The following IMPDH1 variants were observed in gnomAD, a reference collection of about 807,000 sequenced individuals.
IMPDH1 encodes inosine monophosphate dehydrogenase 1, also known as inosine-5'-monophosphate dehydrogenase 1.
IMPDH1 carries 41 observed loss-of-function variants against 73.5 expected under a neutral mutation model. The observed-to-expected ratio is 0.56, with a 90% confidence interval of 0.43 to 0.72. IMPDH1 has a LOEUF of 0.72. Among genes scored for constraint, IMPDH1 ranks in the 30% least tolerant of loss-of-function variants. The probability of loss-of-function intolerance (pLI) is 0.00; values close to 1 mark genes in which losing one functional copy is unlikely to be tolerated. For synonymous variants in IMPDH1, 318 were observed against 334.3 expected, an observed-to-expected ratio of 0.95 and a Z score of 0.53; for missense variants, 645 against 824.8, an observed-to-expected ratio of 0.78 and a Z score of 2.67.
rs1797785735 is a variant in IMPDH1 at position 128,394,675 on chromosome 7, C to T, written c.1551-76G>A. The T allele has an allele frequency of 7.0e-6, 11 of 1,572,922 alleles. No homozygotes were observed. Among genetic ancestry groups the T allele is most frequent in the South Asian group, 1.1e-5 (1 of 89,950 alleles). On this transcript the variant is annotated intron_variant, in intron 14 of 16. Transcript: ENST00000338791. This position sits in a 1 kb window ranked among gnomAD's most constrained non-coding sequence, Gnocchi z 5.5. Reference sequence around the variant, plus strand: ...CCACCCCACCTCTTAAGGGCAAAAACGGGATACCGCCCAGGAAGGTCCCCC... The same window carrying T: ...CCACCCCACCTCTTAAGGGCAAAAATGGGATACCGCCCAGGAAGGTCCCCC...
rs1157959892 is a variant in IMPDH1 at position 128,409,780 on chromosome 7, A to G, written c.122T>C (p.Leu41Pro). 1 of 1,520,980 alleles carries G rather than the reference A, an allele frequency of 6.6e-7. No individual in the cohort carries two copies. The allele number at this position is 1,520,980 out of a possible 1,614,324, so 94.2% of individuals were successfully genotyped here. The change falls in exon 1 of 17, where the codon CTG becomes CCG. Residue 41 changes from leucine to proline, a missense_variant. This residue lies in a region of IMPDH1 where 186 missense variants were observed against 186.6 expected (regional missense o/e 1.00). Coordinates refer to ENST00000338791, the MANE Select transcript of IMPDH1 (RefSeq NM_000883.4). ...TAAQRYSARL[L>P]QAGYEPESPR... Reference sequence around the variant, plus strand: ...CCTCTCGGGCTCGTAGCCGGCCTGCAGCAGTCGGGCGCTGTACCGCTGCGC... The same window carrying G: ...CCTCTCGGGCTCGTAGCCGGCCTGCGGCAGTCGGGCGCTGTACCGCTGCGC...
chr7:128,397,149 TTG>T (rs1797978432), intron 10 of IMPDH1, 127 bp from the exon 11 acceptor site: 98 of 620,246 alleles, frequency 1.6e-4, no homozygotes, highest in South Asian at 4.4e-4. Flanking sequence ...TTCCTTCTGG[TTG>T]TTTTTTTTTT....
At chr7:128,393,482 A>C (rs1036914693) in intron 16 of IMPDH1, among the ~76,000 whole-genome samples, 18 of 152,134 alleles carry the variant, frequency 1.2e-4, no homozygotes, top group Non-Finnish European at 2.2e-4. Context: ...GGTCACGGGC[A>C]TCTCTCTGCA....
intron 3 of IMPDH1, among the ~76,000 whole-genome samples, chr7:128,406,702 G>A (rs181910826): frequency 5.1e-4 from 78 of 152,326 alleles, no homozygotes; most frequent in African/African-American, 1.8e-3. Flanking sequence ...AAGGAAGGGA[G>A]GGGTACTGCT....
chr7:128,409,773 G>A lies in IMPDH1; in HGVS notation c.129C>T (p.Ala43=). 2 of 1,521,144 alleles carry A rather than the reference G, an allele frequency of 1.3e-6. No homozygotes were observed. Among genetic ancestry groups the A allele is most frequent in the South Asian group, 1.2e-5 (1 of 82,822 alleles). 94.2% of individuals were successfully genotyped at this position (1,521,144 alleles called of 1,614,324 possible). Residue 43 remains alanine, a synonymous_variant, in exon 1 of 17, where the codon GCC becomes GCT. Coordinates refer to ENST00000338791, the MANE Select transcript of IMPDH1 (RefSeq NM_000883.4). ...GGCGTCACCTCTCGGGCTCGTAGCC[G>A]GCCTGCAGCAGTCGGGCGCTGTACC... ...AQRYSARLLQ[A]GYEPESPRLD... is the part of the protein sequence containing the mutation.
At chr7:128,400,293 C>T in intron 8 of IMPDH1, 40 bp downstream of exon 8, 1 of 1,608,312 alleles carries the variant, frequency 6.2e-7, no homozygotes, top group Non-Finnish European at 8.5e-7. Flanking sequence ...CGTGAGGGTC[C>T]TCTCTACACC....
In IMPDH1 at chr7:128,409,532, C is replaced by A. The variant is rs1798997948; in HGVS notation, c.147-48G>T. 6 of 1,605,550 alleles carry A rather than the reference C, an allele frequency of 3.7e-6. No individual in the cohort carries two copies. In the East Asian group the frequency reaches 6.7e-5, roughly 18 times the overall value. On this transcript the variant is annotated intron_variant, in intron 1 of 16. Coordinates refer to ENST00000338791, the MANE Select transcript of IMPDH1 (RefSeq NM_000883.4). ...TACGACCTGTTCCCTCTCCTCCGCT[C>A]CCCCGTGCAACGAAGCACCTAACCC...
chr7:128,407,328 C>T (rs956372115), intron 3 of IMPDH1, among the ~76,000 whole-genome samples: 16 of 152,196 alleles, frequency 1.1e-4, no homozygotes, highest in African/African-American at 2.7e-4. Flanking sequence ...TTGATGCCCC[C>T]GGGACCCTGC....
chr7:128,397,148 G>GTTT, intron 10 of IMPDH1, 126 bp from the exon 11 acceptor site: 4 of 574,620 alleles, frequency 7.0e-6, no homozygotes, highest in African/African-American at 2.4e-5. Context: ...TTTCCTTCTG[G>GTTT]TTGTTTTTTT....
chr7:128,396,712 G>C lies in IMPDH1; in HGVS notation c.1166-17C>G, dbSNP rs1185034408. ...CTGTCACCACTGGGGGTGGGGATGG[G>C]GCAGAGGAACAATGTGAGGATGGGA... On this transcript the variant is annotated splice_polypyrimidine_tract_variant and intron_variant, in intron 11 of 16. Coordinates refer to ENST00000338791, the MANE Select transcript of IMPDH1 (RefSeq NM_000883.4). The surrounding 1 kb of genome is among the most constrained non-coding windows in gnomAD (Gnocchi z 4.0). 1.3e-6 allele frequency: 2 copies of C among 1,544,894 alleles called. No individual in the cohort carries two copies. The highest frequency in any genetic ancestry group is 2.7e-5 in the African/African-American group (2 of 72,962).
intron 8 of IMPDH1, 36 bp from the exon 9 acceptor site, chr7:128,400,218 G>A: frequency 1.9e-6 from 3 of 1,613,082 alleles, no homozygotes; most frequent in Non-Finnish European, 2.5e-6. Flanking sequence ...CAGGTTGGCA[G>A]GTGAGAGAGA....
At position 128,394,286 on chromosome 7, in the gene IMPDH1, G is replaced by A. The variant is rs1248866452; in HGVS notation, c.1770C>T (p.Gly590=). ...MSAQIEGGVH[G]LHSYEKRLY ...GAGGCCACCACACTTACGAGTGCAG[G>A]CCATGGACACCACCCTCAATCTGGG... Residue 590 remains glycine (G), a synonymous_variant, in exon 16 of 17, where the codon GGC becomes GGT. Coordinates refer to ENST00000338791, the MANE Select transcript of IMPDH1 (RefSeq NM_000883.4). The surrounding 1 kb of genome is among the most constrained non-coding windows in gnomAD (Gnocchi z 5.5). 2 of 1,613,672 alleles carry A rather than the reference G, an allele frequency of 1.2e-6. No individual in the cohort carries two copies. The highest frequency in any genetic ancestry group is 3.3e-5 in the Admixed American group (2 of 60,028).
chr7:128,404,271 C>G (rs1798548363), intron 4 of IMPDH1, among the ~76,000 whole-genome samples: 1 of 152,164 alleles, frequency 6.6e-6, no homozygotes, highest in African/African-American at 2.4e-5. Context: ...TGGAGGGACC[C>G]CAGGGGGCTG....
rs201150337 is a variant in IMPDH1 at position 128,394,391 on chromosome 7, G to A, written c.1695-30C>T. 117 of 1,610,596 alleles carry A rather than the reference G, an allele frequency of 7.3e-5. No individual in the cohort carries two copies. The East Asian group carries it at 2.5e-3, about 35-fold the overall frequency. On this transcript the variant is annotated intron_variant, in intron 15 of 16. Transcript: ENST00000338791. The surrounding 1 kb of genome is among the most constrained non-coding windows in gnomAD (Gnocchi z 5.5). Reference sequence around the variant, plus strand: ...GAGGAAGGTAGGTGGAGCAGATCAGGGCCACCAAGGGTGGAGAAGAGCGAG... The same window carrying A: ...GAGGAAGGTAGGTGGAGCAGATCAGAGCCACCAAGGGTGGAGAAGAGCGAG...
chr7:128,394,091 G>C lies in IMPDH1; in HGVS notation c.1778+187C>G, dbSNP rs1797728875. On this transcript the variant is annotated intron_variant, in intron 16 of 16. Coordinates refer to ENST00000338791, the MANE Select transcript of IMPDH1 (RefSeq NM_000883.4). This position sits in a 1 kb window ranked among gnomAD's most constrained non-coding sequence, Gnocchi z 5.5. ...GGGAGGGGAGGGCCTGCTTGCATGG[G>C]GACTAAAGGACAAGGAACAGGGGGC... Among the ~76,000 whole-genome samples the C allele has an allele frequency of 6.6e-6, 1 of 152,164 alleles. No individual in the cohort carries two copies. Among genetic ancestry groups the C allele is most frequent in the Non-Finnish European group, 1.5e-5 (1 of 68,018 alleles).
chr7:128,394,834 G>A lies in IMPDH1; in HGVS notation c.1550+55C>T, dbSNP rs573254778. ...ATCTGGGGAAGTCGGTGGCATGAGC[G>A]GGCCCTGAAGGGTTGTGGGCTGATC... On this transcript the variant is annotated intron_variant, in intron 14 of 16. Transcript: ENST00000338791. The surrounding 1 kb of genome is among the most constrained non-coding windows in gnomAD (Gnocchi z 5.5). The A allele has an allele frequency of 2.1e-5, 33 of 1,600,648 alleles. No individual in the cohort carries two copies. The highest frequency in any genetic ancestry group is 1.6e-4 in the East Asian group (7 of 44,818).
In IMPDH1 at chr7:128,409,555, C is replaced by T. The variant is rs1799000354; in HGVS notation, c.147-71G>A. 5.1e-6 allele frequency: 8 copies of T among 1,577,768 alleles called. No individual in the cohort carries two copies. The South Asian group carries it at 7.8e-5, about 15-fold the overall frequency. On this transcript the variant is annotated intron_variant, in intron 1 of 16. Transcript: ENST00000338791. ...CTCCCCCGTGCAACGAAGCACCTAA[C>T]CCTTCGCACAGTGCCCGTCTGCATC...
chr7:128,403,368 G>C (rs1798470846), intron 5 of IMPDH1, among the ~76,000 whole-genome samples: 1 of 152,152 alleles, frequency 6.6e-6, no homozygotes, highest in African/African-American at 2.4e-5. Flanking sequence ...GACCAGCCTG[G>C]CCAACATGGT....
Position 128,396,917 on chromosome 7 carries a change from C to T in IMPDH1, c.1165+15G>A, listed in dbSNP as rs544315308. ...GGGGCAGGAGCAGGCGGGTGGGAGGCGACCCCGCACTCACCGTTCCCCCCA... is the reference window on the plus strand; with the variant it reads ...GGGGCAGGAGCAGGCGGGTGGGAGGTGACCCCGCACTCACCGTTCCCCCCA... On this transcript the variant is annotated intron_variant, in intron 11 of 16. Coordinates refer to ENST00000338791, the MANE Select transcript of IMPDH1 (RefSeq NM_000883.4). This position sits in a 1 kb window ranked among gnomAD's most constrained non-coding sequence, Gnocchi z 4.0. 36 of 1,595,786 alleles carry T rather than the reference C, an allele frequency of 2.3e-5. No individual in the cohort carries two copies. The highest frequency in any genetic ancestry group is 9.4e-5 in the African/African-American group (7 of 74,666).
Sources: allele counts gnomAD v4.1 joint callset (sites outside exome capture counted in the v4.1 genomes callset), GRCh38; gene constraint gnomAD v4.1.1; regional missense constraint gnomAD v4.1.1; non-coding constraint Gnocchi (gnomAD v3.1); transcripts MANE v1.5; gene names NCBI Gene and HGNC (gene_info 2026-07-23, HGNC 2026-07-21).